ATXN1: variants seen among roughly 807,000 people sequenced by gnomAD.
ATXN1 encodes the protein ataxin-1.
ATXN1 carries 8 observed loss-of-function variants against 56.4 expected under a neutral mutation model. The observed-to-expected ratio is 0.14, with a 90% confidence interval of 0.08 to 0.26. The LOEUF is 0.26. Among genes scored for constraint, ATXN1 ranks in the 10% least tolerant of loss-of-function variants. ATXN1 has a pLI of 1.00. For synonymous variants in ATXN1, 514 were observed against 494.6 expected (o/e 1.04, Z -0.52); for missense variants, 987 against 1,106.5 (o/e 0.89, Z 1.53).
At chr6:16,565,369 T>C (rs1762198852) in intron 4 of ATXN1, among the ~76,000 whole-genome samples, 1 of 152,200 alleles carries the variant, frequency 6.6e-6, no homozygotes, top group South Asian at 2.1e-4. Context: ...TGAAAAATCA[T>C]TCCCCATAAT....
At chr6:16,549,929 G>A (rs908608343) in intron 4 of ATXN1, among the ~76,000 whole-genome samples, 1 of 143,326 alleles carries the variant, frequency 7.0e-6, no homozygotes, top group African/African-American at 2.6e-5. Flanking sequence ...GAATAGGCAT[G>A]CCATTCTCAC....
intron 6 of ATXN1, among the ~76,000 whole-genome samples, chr6:16,375,660 G>A (rs1247321912): frequency 2.0e-5 from 3 of 151,966 alleles, no homozygotes; most frequent in Non-Finnish European, 4.4e-5. Context: ...CACAATGCTT[G>A]TATCTTTATT....
chr6:16,460,215 C>G (rs895423044), intron 6 of ATXN1, among the ~76,000 whole-genome samples: 3 of 152,166 alleles, frequency 2.0e-5, no homozygotes, highest in Non-Finnish European at 4.4e-5. Flanking sequence ...GGCCCTAGTA[C>G]AAACTCAAGA....
At chr6:16,702,098 C>T (rs1331986469) in intron 2 of ATXN1, among the ~76,000 whole-genome samples, 3 of 151,938 alleles carry the variant, frequency 2.0e-5, no homozygotes, top group Non-Finnish European at 4.4e-5. Flanking sequence ...TACAAGGCTA[C>T]AGTAATCAAA....
intron 2 of ATXN1, among the ~76,000 whole-genome samples, chr6:16,735,578 T>C (rs975439688): frequency 2.0e-5 from 3 of 152,066 alleles, no homozygotes; most frequent in African/African-American, 7.2e-5. Flanking sequence ...AACTGCTATA[T>C]ATAAGAGAAG....
At chr6:16,591,313 C>A (rs1189123197) in intron 3 of ATXN1, among the ~76,000 whole-genome samples, 2 of 152,128 alleles carry the variant, frequency 1.3e-5, no homozygotes, top group African/African-American at 4.8e-5. Flanking sequence ...AATTATAATT[C>A]TATTCCATGG....
chr6:16,575,821 TG>T (rs1288490767), intron 4 of ATXN1, among the ~76,000 whole-genome samples: 1 of 152,184 alleles, frequency 6.6e-6, no homozygotes, highest in Non-Finnish European at 1.5e-5. Context: ...AAAAGGGGTG[TG>T]GCAATTGGTA....
intron 6 of ATXN1, among the ~76,000 whole-genome samples, chr6:16,374,532 A>T (rs1410865020): frequency 1.3e-5 from 2 of 152,180 alleles, no homozygotes; most frequent in Non-Finnish European, 2.9e-5. Context: ...TTTAATGAGC[A>T]CCTCTGGACT....
At position 16,306,624 on chromosome 6, in the gene ATXN1, C is replaced by T; in HGVS notation, c.2153G>A (p.Gly718Asp). ...CTGCTCGGCATACCTGTGTCTGCTG[C>T]CCGCCAGGCCGTCGGCCTTTGAGTG... ...LKHSKADGLAGSRHRYAEQEN... is the reference protein window; with the variant it reads ...LKHSKADGLADSRHRYAEQEN... The change falls in exon 8 of 8, where the codon GGC (glycine) becomes GAC (aspartate). Residue 718 changes from glycine to aspartate, a missense_variant. Physicochemically the swap from Gly to Asp is moderately conservative, Grantham distance 94 (BLOSUM62 -1). Coordinates refer to ENST00000436367, the MANE Select transcript of ATXN1 (RefSeq NM_001128164.2). The surrounding 1 kb of genome is among the most constrained non-coding windows in gnomAD (Gnocchi z 5.2). 6.2e-7 allele frequency: 1 copy of T among 1,614,240 alleles called. No individual in the cohort carries two copies. Among genetic ancestry groups the T allele is most frequent in the Non-Finnish European group, 8.5e-7 (1 of 1,180,054 alleles).
chr6:16,598,115 A>G (rs1259698284), intron 3 of ATXN1, among the ~76,000 whole-genome samples: 1 of 152,244 alleles, frequency 6.6e-6, no homozygotes, highest in Admixed American at 6.5e-5. Context: ...CCATAAATAT[A>G]CATAATTATT....
At chr6:16,342,506 C>T (rs1761272932) in intron 6 of ATXN1, among the ~76,000 whole-genome samples, 1 of 152,146 alleles carries the variant, frequency 6.6e-6, no homozygotes, top group South Asian at 2.1e-4. Flanking sequence ...CATGACTCAG[C>T]AATTCCACGT....
chr6:16,565,593 G>C (rs749157742), intron 4 of ATXN1, among the ~76,000 whole-genome samples: 2 of 152,100 alleles, frequency 1.3e-5, no homozygotes, highest in East Asian at 3.8e-4. Flanking sequence ...ATTTCCACAT[G>C]AACCAGAAGG....
chr6:16,326,829 G>C lies in ATXN1; in HGVS notation c.1482C>G (p.Val494=). ...CCGACGCTTCCATGTCAGTGCTGCC[G>C]ACCGGGATGAGCAGGGGCTGTGTGC... is the stretch of plus-strand genomic sequence containing the variant. ...IPGTQPLLIP[V]GSTDMEASGA... The change falls in exon 7 of 8, where the codon GTC becomes GTG. Residue 494 remains valine, a synonymous_variant. Transcript: ENST00000436367. The surrounding 1 kb of genome is among the most constrained non-coding windows in gnomAD (Gnocchi z 6.6). 2 of 1,607,516 alleles carry C rather than the reference G, an allele frequency of 1.2e-6. No homozygotes were observed. Among genetic ancestry groups the C allele is most frequent in the South Asian group, 2.2e-5 (2 of 90,610 alleles).
At chr6:16,718,501 C>T (rs1179828323) in intron 2 of ATXN1, among the ~76,000 whole-genome samples, 2 of 152,336 alleles carry the variant, frequency 1.3e-5, no homozygotes, top group Non-Finnish European at 2.9e-5. Flanking sequence ...CTTATACCCA[C>T]AGAAGAACCA....
At chr6:16,573,445 A>G (rs937658205) in intron 4 of ATXN1, among the ~76,000 whole-genome samples, 3 of 151,884 alleles carry the variant, frequency 2.0e-5, no homozygotes, top group African/African-American at 7.3e-5. Flanking sequence ...AACACCCTCA[A>G]ACGAATAGGC....
At chr6:16,419,724 C>A (rs999869555) in intron 6 of ATXN1, among the ~76,000 whole-genome samples, 1 of 152,124 alleles carries the variant, frequency 6.6e-6, no homozygotes, top group African/African-American at 2.4e-5. Flanking sequence ...CATGTGCATG[C>A]TGAGTGGCTG....
At chr6:16,458,595 G>A (rs935673472) in intron 6 of ATXN1, among the ~76,000 whole-genome samples, 1 of 152,168 alleles carries the variant, frequency 6.6e-6, no homozygotes, top group African/African-American at 2.4e-5. Context: ...AAGGAAAAGC[G>A]AGATAAGAGA....
chr6:16,314,740 C>T (rs1297005663), intron 7 of ATXN1, among the ~76,000 whole-genome samples: 5 of 151,888 alleles, frequency 3.3e-5, no homozygotes, highest in African/African-American at 1.2e-4. Flanking sequence ...CTCAGCCTCC[C>T]GAGTAGCTGG....
chr6:16,686,503 C>CAGTTTTACGTGG (rs6149447), intron 2 of ATXN1, among the ~76,000 whole-genome samples: 1 of 151,924 alleles, frequency 6.6e-6, no homozygotes, highest in South Asian at 2.1e-4. Flanking sequence ...GCATGCAACA[C>CAGTTTTACGTGG]ATTATGCCGA....
Sources: allele counts gnomAD v4.1 joint callset (sites outside exome capture counted in the v4.1 genomes callset), GRCh38; gene constraint gnomAD v4.1.1; non-coding constraint Gnocchi (gnomAD v3.1); transcripts MANE v1.5; gene names NCBI Gene and HGNC (gene_info 2026-07-23, HGNC 2026-07-21).